The following GALNTL6 variants were observed in gnomAD, a reference collection of about 807,000 sequenced individuals.
GALNTL6 encodes polypeptide N-acetylgalactosaminyltransferase-like 6.
Under a neutral mutation model 73.7 loss-of-function variants are expected in GALNTL6, and 46 were observed. The observed-to-expected ratio is 0.62, with a 90% CI of 0.49 to 0.80. The LOEUF is 0.80. Among genes scored for constraint, GALNTL6 ranks in the 30% least tolerant of loss-of-function variants. GALNTL6 has a pLI of 0.00. For missense variants in GALNTL6, 604 were observed against 755.0 expected (o/e 0.80, Z 2.34); for synonymous variants, 259 against 263.7 (o/e 0.98, Z 0.17).
At chr4:172,377,153 G>A (rs181636200) in intron 5 of GALNTL6, among the ~76,000 whole-genome samples, 28 of 152,182 alleles carry the variant, frequency 1.8e-4, no homozygotes, top group East Asian at 1.4e-3. Flanking sequence ...TCCATTTTAC[G>A]GAGAGCTGAT....
intron 2 of GALNTL6, among the ~76,000 whole-genome samples, chr4:171,909,593 G>A (rs1037223470): frequency 3.9e-5 from 6 of 152,008 alleles, no homozygotes; most frequent in Non-Finnish European, 7.4e-5. Context: ...AACTGAGGAC[G>A]GTAGAAAAAT....
At chr4:171,949,273 T>C (rs1738795416) in intron 2 of GALNTL6, among the ~76,000 whole-genome samples, 2 of 152,154 alleles carry the variant, frequency 1.3e-5, no homozygotes, top group Non-Finnish European at 2.9e-5. Context: ...CAACAAACCT[T>C]ACATAGCAAT....
At chr4:172,413,550 TG>T (rs1378816436) in intron 5 of GALNTL6, among the ~76,000 whole-genome samples, 1 of 152,170 alleles carries the variant, frequency 6.6e-6, no homozygotes, top group East Asian at 1.9e-4. Flanking sequence ...CATGGCAGCA[TG>T]AACTGAGATT....
chr4:172,890,373 G>C (rs1745967938), intron 8 of GALNTL6, among the ~76,000 whole-genome samples: 1 of 151,992 alleles, frequency 6.6e-6, no homozygotes, highest in Non-Finnish European at 1.5e-5. Context: ...GGTATTCAGA[G>C]CTATAAGCTT....
At chr4:172,449,832 G>T in intron 5 of GALNTL6, among the ~76,000 whole-genome samples, 1 of 152,074 alleles carries the variant, frequency 6.6e-6, no homozygotes, top group East Asian at 1.9e-4. Context: ...CACATTTCAG[G>T]TTTATACATC....
intron 2 of GALNTL6, among the ~76,000 whole-genome samples, chr4:171,913,437 C>G (rs1441430431): frequency 6.6e-6 from 1 of 152,192 alleles, no homozygotes; most frequent in African/African-American, 2.4e-5. Context: ...TTGCCACCCA[C>G]AGCTGGATTC....
intron 5 of GALNTL6, among the ~76,000 whole-genome samples, chr4:172,592,798 G>C (rs1387468578): frequency 6.6e-6 from 1 of 151,942 alleles, no homozygotes. Context: ...TTCCCAAGGA[G>C]CTTTGTTTGC....
intron 2 of GALNTL6, among the ~76,000 whole-genome samples, chr4:171,917,378 A>G (rs962324107): frequency 3.9e-5 from 6 of 152,088 alleles, no homozygotes; most frequent in Admixed American, 3.3e-4. Flanking sequence ...CAACTTTCAG[A>G]TATAGCTAAG....
chr4:172,871,152 C>A (rs2111163409), intron 7 of GALNTL6, among the ~76,000 whole-genome samples: 1 of 152,280 alleles, frequency 6.6e-6, no homozygotes, highest in South Asian at 2.1e-4. Flanking sequence ...ACTTCTGGTC[C>A]CAAGCCATGC....
At chr4:171,845,934 A>C (rs1294295917) in intron 2 of GALNTL6, among the ~76,000 whole-genome samples, 2 of 152,170 alleles carry the variant, frequency 1.3e-5, no homozygotes, top group East Asian at 3.9e-4. Context: ...ATGGTAGATA[A>C]AATTTTCTTA....
At chr4:172,770,593 A>G (rs1258812645) in intron 5 of GALNTL6, among the ~76,000 whole-genome samples, 1 of 152,076 alleles carries the variant, frequency 6.6e-6, no homozygotes, top group African/African-American at 2.4e-5. Flanking sequence ...AATCAGTAAA[A>G]TTTTTCATTT....
rs530857302 is a variant in GALNTL6 at position 172,690,277 on chromosome 4, A to G, written c.554-119084A>G. 1.2e-4 allele frequency among the ~76,000 whole-genome samples: 19 copies of G among 152,310 alleles called. 1 individual carries two copies. The South Asian group carries it at 3.9e-3, about 32-fold the overall frequency. On this transcript the variant is annotated intron_variant, in intron 5 of 12. Transcript: ENST00000506823. ...TATTCTTTTGTCTTGGGGCACTACC[A>G]ATTTAACCCCAAATTCTATACCTTC... is the stretch of plus-strand genomic sequence containing the variant.
At position 173,039,932 on chromosome 4, in the gene GALNTL6, G is replaced by A; in HGVS notation, c.1639-1G>A. On this transcript the variant is annotated splice_acceptor_variant, in intron 12 of 12. Transcript: ENST00000506823. LOFTEE classifies it high-confidence loss of function. Reference sequence around the variant, plus strand: ...TTTTCTTTTCTTCCTCACTCCTCCAGGACAGAACATTATTCCATCCTGTGA... The same window carrying A: ...TTTTCTTTTCTTCCTCACTCCTCCAAGACAGAACATTATTCCATCCTGTGA... The A allele has an allele frequency of 1.2e-6, 2 of 1,612,098 alleles. No homozygotes were observed. The highest frequency in any genetic ancestry group is 1.7e-6 in the Non-Finnish European group (2 of 1,179,298).
intron 5 of GALNTL6, among the ~76,000 whole-genome samples, chr4:172,553,616 A>C (rs877857): frequency 0.042 from 6,413 of 152,260 alleles, 427 homozygotes; most frequent in African/African-American, 0.14. Flanking sequence ...CACAAAAATG[A>C]ATAATTCTGA....
At chr4:172,453,205 A>C (rs1236419461) in intron 5 of GALNTL6, among the ~76,000 whole-genome samples, 1 of 141,218 alleles carries the variant, frequency 7.1e-6, no homozygotes, top group Non-Finnish European at 1.5e-5. Context: ...CTGTCTCAGA[A>C]AAAAAAAAAA....
chr4:172,806,689 A>G (rs984438121), intron 5 of GALNTL6, among the ~76,000 whole-genome samples: 2 of 152,222 alleles, frequency 1.3e-5, no homozygotes, highest in African/African-American at 4.8e-5. Flanking sequence ...GGTGATACTC[A>G]TAGTGTGACA....
At chr4:172,729,618 G>C (rs1736032613) in intron 5 of GALNTL6, among the ~76,000 whole-genome samples, 1 of 152,100 alleles carries the variant, frequency 6.6e-6, no homozygotes, top group African/African-American at 2.4e-5. Context: ...TGAGTACCAT[G>C]CTGTTTTTAT....
chr4:172,484,879 T>C (rs1446603892), intron 5 of GALNTL6, among the ~76,000 whole-genome samples: 1 of 152,178 alleles, frequency 6.6e-6, no homozygotes, highest in Non-Finnish European at 1.5e-5. Context: ...ATAATTATGC[T>C]TTAAATTTGT....
At chr4:172,742,240 T>C (rs1418499377) in intron 5 of GALNTL6, among the ~76,000 whole-genome samples, 1 of 151,916 alleles carries the variant, frequency 6.6e-6, no homozygotes, top group African/African-American at 2.4e-5. Context: ...TGTTTGGGGT[T>C]TCTCTTGGTA....
Sources: allele counts gnomAD v4.1 joint callset (sites outside exome capture counted in the v4.1 genomes callset), GRCh38; gene constraint gnomAD v4.1.1; transcripts MANE v1.5; gene names NCBI Gene and HGNC (gene_info 2026-07-23, HGNC 2026-07-21).